FYCO1: variants seen among roughly 807,000 people sequenced by gnomAD.
FYCO1 encodes FYVE and coiled-coil domain-containing protein 1.
A neutral mutation model predicts 165.1 loss-of-function variants in FYCO1; 122 were observed. The observed-to-expected ratio is 0.74, with a 90% CI of 0.64 to 0.86. The LOEUF (loss-of-function observed/expected upper bound fraction) is 0.86. Among genes scored for constraint, FYCO1 ranks in the 40% least tolerant of loss-of-function variants. FYCO1 has a pLI of 0.00. For missense variants in FYCO1, 1,702 were observed against 1,810.3 expected, an observed-to-expected ratio of 0.94 and a Z score of 1.09; for synonymous variants, 648 against 742.5, an observed-to-expected ratio of 0.87 and a Z score of 2.07.
At chr3:45,989,826 G>A (rs144814225) in intron 1 of FYCO1, among the ~76,000 whole-genome samples, 20 of 152,290 alleles carry the variant, frequency 1.3e-4, no homozygotes, top group African/African-American at 4.3e-4. Flanking sequence ...GGGCTCTGAG[G>A]TGTTGCTTTT....
intron 16 of FYCO1, among the ~76,000 whole-genome samples, chr3:45,930,783 G>C (rs1288359164): frequency 1.3e-5 from 2 of 152,208 alleles, no homozygotes; most frequent in African/African-American, 4.8e-5. Flanking sequence ...TCATACGTCT[G>C]TATTCCTCTT....
Position 45,958,392 on chromosome 3 carries a change from G to C in FYCO1, c.3799+16C>G. 6.2e-7 allele frequency: 1 copy of C among 1,608,862 alleles called. No homozygotes were observed. The highest frequency in any genetic ancestry group is 8.5e-7 in the Non-Finnish European group (1 of 1,177,408). On this transcript the variant is annotated intron_variant, in intron 13 of 17. Transcript: ENST00000296137. ...CACCTAGAGAACATAGTAGGCAGTA[G>C]TAGCAGGAGACTGACCTTGGCCTCC... is the stretch of plus-strand genomic sequence containing the variant.
Position 45,964,270 on chromosome 3 carries a change from A to G in FYCO1, c.3269+66T>C. On this transcript the variant is annotated intron_variant, in intron 10 of 17. Transcript: ENST00000296137. This position sits in a 1 kb window ranked among gnomAD's most constrained non-coding sequence, Gnocchi z 4.1. Reference sequence around the variant, plus strand: ...CCTAATATGAGTGACTGACTTTCTAAATGACGAGACCAAACACTCCTTCCC... The same window carrying G: ...CCTAATATGAGTGACTGACTTTCTAGATGACGAGACCAAACACTCCTTCCC... The G allele has an allele frequency of 1.6e-6, 2 of 1,248,608 alleles. No homozygotes were observed. Among genetic ancestry groups the G allele is most frequent in the East Asian group, 2.3e-5 (1 of 43,064 alleles). 77.3% of individuals were successfully genotyped at this position (1,248,608 alleles called of 1,614,324 possible). A position where few individuals can be genotyped will look rare whatever the true frequency, so the allele number is the denominator to read the frequency against.
At chr3:45,965,199 A>C (rs948319470) in intron 8 of FYCO1, 74 bp from the exon 9 acceptor site, 1 of 1,120,456 alleles carries the variant, frequency 8.9e-7, no homozygotes, top group African/African-American at 1.5e-5. Flanking sequence ...CCCCTCACCC[A>C]AACAGATAAA....
chr3:45,954,079 C>T (rs748181729), intron 14 of FYCO1, among the ~76,000 whole-genome samples: 18 of 152,212 alleles, frequency 1.2e-4, no homozygotes, highest in Non-Finnish European at 2.2e-4. Flanking sequence ...GACTTTGGGC[C>T]TTGCCTTCCC....
In FYCO1 at chr3:45,964,004, A is replaced by G. The variant is rs1299701518; in HGVS notation, c.3269+332T>C. 6.6e-6 allele frequency among the ~76,000 whole-genome samples: 1 copy of G among 152,202 alleles called. No homozygotes were observed. Among genetic ancestry groups the G allele is most frequent in the Non-Finnish European group, 1.5e-5 (1 of 68,032 alleles). ...CGGCCACGTTTTCAGCATTATTTAA[A>G]TACATGCTGCTACTATTACCATTAT... On this transcript the variant is annotated intron_variant, in intron 10 of 17. Transcript: ENST00000296137. The surrounding 1 kb of genome is among the most constrained non-coding windows in gnomAD (Gnocchi z 4.1).
Position 45,923,729 on chromosome 3 carries a change from C to T in FYCO1, c.4288G>A (p.Glu1430Lys), listed in dbSNP as rs1437978651. 7 of 1,613,984 alleles carry T rather than the reference C, an allele frequency of 4.3e-6. No individual in the cohort carries two copies. The highest frequency in any genetic ancestry group is 1.7e-5 in the Admixed American group (1 of 60,000). ...ACCTTGAGCTGGCCCTGGATGTTCTCCTTGTGGGAGTTGCATCGGGTCGTG... is the reference window on the plus strand; with the variant it reads ...ACCTTGAGCTGGCCCTGGATGTTCTTCTTGTGGGAGTTGCATCGGGTCGTG... ...IPTTRCNSHKENIQGQLKVRT... is the reference protein window; with the variant it reads ...IPTTRCNSHKKNIQGQLKVRT... Residue 1430 changes from glutamate (E) to lysine (K), a missense_variant, in exon 17 of 18, where the codon GAG (glutamate) becomes AAG (lysine). Glu to Lys is a moderately conservative substitution (Grantham distance 56). Coordinates refer to ENST00000296137, the MANE Select transcript of FYCO1 (RefSeq NM_024513.4).
At chr3:45,949,937 C>G (rs1704899546) in intron 14 of FYCO1, among the ~76,000 whole-genome samples, 1 of 152,204 alleles carries the variant, frequency 6.6e-6, no homozygotes, top group Admixed American at 6.5e-5. Flanking sequence ...ACCCCTTCCC[C>G]TGGATAGGGG....
intron 3 of FYCO1, 107 bp from the exon 4 acceptor site, chr3:45,979,937 G>T: frequency 7.3e-7 from 1 of 1,363,206 alleles, no homozygotes; most frequent in Non-Finnish European, 1.0e-6. Flanking sequence ...AGCACTGGGT[G>T]AGGCCCTTTA....
Position 45,969,434 on chromosome 3 carries a change from G to A in FYCO1, c.630+241C>T, listed in dbSNP as rs567101942. On this transcript the variant is annotated intron_variant, in intron 7 of 17. Transcript: ENST00000296137. Reference sequence around the variant, plus strand: ...TTTGACTCTTGTCACTTTTAACCACGGTGCTAAACTGCTTCTTTTAAAATA... The same window carrying A: ...TTTGACTCTTGTCACTTTTAACCACAGTGCTAAACTGCTTCTTTTAAAATA... Among the ~76,000 whole-genome samples, 3 of 152,270 alleles carry A rather than the reference G, an allele frequency of 2.0e-5. No homozygotes were observed. In the South Asian group the frequency reaches 6.2e-4, roughly 32 times the overall value.
At chr3:45,922,466 G>GTT (rs1703129197) in intron 17 of FYCO1, among the ~76,000 whole-genome samples, 1 of 152,212 alleles carries the variant, frequency 6.6e-6, no homozygotes, top group East Asian at 1.9e-4. Flanking sequence ...GCTGGGGGAA[G>GTT]AGCAGAGCTT....
At position 45,962,224 on chromosome 3, in the gene FYCO1, C is replaced by A. The variant is rs1037959883; in HGVS notation, c.3437+1G>T. On this transcript the variant is annotated splice_donor_variant, in intron 11 of 17. Coordinates refer to ENST00000296137, the MANE Select transcript of FYCO1 (RefSeq NM_024513.4). LOFTEE classifies it high-confidence loss of function. The surrounding 1 kb of genome is among the most constrained non-coding windows in gnomAD (Gnocchi z 4.4). ...AGCTGCTGGTTTGACACAGCACTCA[C>A]CTGAGCAGCTCTATCAGCCGCTCCT... 1 of 1,614,012 alleles carries A rather than the reference C, an allele frequency of 6.2e-7. No homozygotes were observed. Among genetic ancestry groups the A allele is most frequent in the Non-Finnish European group, 8.5e-7 (1 of 1,179,952 alleles).
At chr3:45,989,195 C>G (rs1327066324) in intron 1 of FYCO1, among the ~76,000 whole-genome samples, 1 of 152,188 alleles carries the variant, frequency 6.6e-6, no homozygotes, top group East Asian at 1.9e-4. Flanking sequence ...GGATTCCTCC[C>G]CCAGTCCCAA....
At chr3:45,921,894 G>T in intron 17 of FYCO1, 54 bp from the exon 18 acceptor site, 1 of 1,206,772 alleles carries the variant, frequency 8.3e-7, no homozygotes, top group Non-Finnish European at 1.2e-6. Flanking sequence ...GAAAGTCCGA[G>T]GGGTGGCAGC....
intron 11 of FYCO1, among the ~76,000 whole-genome samples, chr3:45,961,878 A>C (rs968796049): frequency 6.6e-6 from 1 of 152,222 alleles, no homozygotes; most frequent in African/African-American, 2.4e-5. Flanking sequence ...AAATCAGGAC[A>C]CTTCACATTA....
chr3:45,956,939 C>T (rs191575502), intron 13 of FYCO1, among the ~76,000 whole-genome samples: 194 of 152,282 alleles, frequency 1.3e-3, no homozygotes, highest in Middle Eastern at 6.8e-3. Flanking sequence ...ATAGCCAATA[C>T]TTTGATAAAG....
intron 5 of FYCO1, among the ~76,000 whole-genome samples, chr3:45,974,814 T>G (rs1706648933): frequency 6.9e-6 from 1 of 144,948 alleles, no homozygotes; most frequent in Non-Finnish European, 1.5e-5. Context: ...TACCCACCAG[T>G]CTCCAGTGTG....
At position 45,919,110 on chromosome 3, in the gene FYCO1, C is replaced by T. The variant is rs1703009053; in HGVS notation, c.*2655G>A. On this transcript the variant is annotated 3_prime_UTR_variant, in exon 18 of 18. Transcript: ENST00000296137. Reference sequence around the variant, plus strand: ...AGAGTGATCTGGGATCCCAAGGACGCTTCCTTCTGGCTGATTTCTAGTGTA... The same window carrying T: ...AGAGTGATCTGGGATCCCAAGGACGTTTCCTTCTGGCTGATTTCTAGTGTA... 6.6e-6 allele frequency: 1 copy of T among 151,816 alleles called. No individual in the cohort carries two copies. The highest frequency in any genetic ancestry group is 1.9e-4 in the East Asian group (1 of 5,194). 9.4% of individuals were successfully genotyped at this position (151,816 alleles called of 1,614,324 possible).
At chr3:45,975,387 T>C (rs770833080) in intron 4 of FYCO1, 42 bp from the exon 5 acceptor site, 16 of 1,428,266 alleles carry the variant, frequency 1.1e-5, no homozygotes, top group Non-Finnish European at 1.5e-5. Flanking sequence ...GCTGTCAGCC[T>C]AACTCCAAAT....
Sources: allele counts gnomAD v4.1 joint callset (sites outside exome capture counted in the v4.1 genomes callset), GRCh38; gene constraint gnomAD v4.1.1; non-coding constraint Gnocchi (gnomAD v3.1); transcripts MANE v1.5; gene names NCBI Gene and HGNC (gene_info 2026-07-23, HGNC 2026-07-21).